UNC79: variants seen among roughly 807,000 people sequenced by gnomAD.
The protein encoded by UNC79 is unc-79 subunit of NALCN channel complex, also known as protein unc-79 homolog.
Under a neutral mutation model 283.1 loss-of-function variants are expected in UNC79, and 37 were observed. The observed-to-expected ratio is 0.13, with a 90% CI of 0.10 to 0.17. The LOEUF (loss-of-function observed/expected upper bound fraction) is 0.17, where lower values mean the gene tolerates loss of function less well. Ranked by LOEUF, UNC79 falls within the 10% of genes least tolerant of loss-of-function variation. The pLI, the probability that UNC79 is intolerant of heterozygous loss-of-function variation, is 1.00. For synonymous variants in UNC79, 1,107 were observed against 1,200.2 expected (o/e 0.92, Z 1.61); for missense variants, 2,272 against 3,211.1 (o/e 0.71, Z 7.07).
intron 18 of UNC79, 78 bp downstream of exon 18, chr14:93,578,141 TTG>T: frequency 7.5e-7 from 1 of 1,340,488 alleles, no homozygotes; most frequent in Non-Finnish European, 1.0e-6. Context: ...TTTCCATGTG[TTG>T]GGCATCTCCA....
rs1337164919 is a variant in UNC79 at position 93,641,132 on chromosome 14, G to T, written c.5801-13G>T. The T allele has an allele frequency of 6.2e-7, 1 of 1,611,134 alleles. No homozygotes were observed. Among genetic ancestry groups the T allele is most frequent in the Non-Finnish European group, 8.5e-7 (1 of 1,178,188 alleles). On this transcript the variant is annotated splice_polypyrimidine_tract_variant and intron_variant, in intron 32 of 48. Transcript: ENST00000555664. ...ATCTATATTCACTGGTTGTCCCTTTGCTGCTTACCCAGGTGCCACCAAATC... is the reference window on the plus strand; with the variant it reads ...ATCTATATTCACTGGTTGTCCCTTTTCTGCTTACCCAGGTGCCACCAAATC...
chr14:93,426,644 C>A (rs942695915), upstream of UNC79, among the ~76,000 whole-genome samples: 2 of 151,772 alleles, frequency 1.3e-5, no homozygotes, highest in Admixed American at 6.6e-5. Context: ...CTACACCCTG[C>A]CATTAATATC....
At chr14:93,485,454 T>C (rs1307601417) in intron 4 of UNC79, among the ~76,000 whole-genome samples, 1 of 152,060 alleles carries the variant, frequency 6.6e-6, no homozygotes, top group African/African-American at 2.4e-5. Context: ...GATGTGCTTA[T>C]TAATTAAACA....
intron 33 of UNC79, 77 bp from the exon 37 acceptor site, chr14:93,643,480 G>A (rs2069263140): frequency 6.2e-7 from 1 of 1,606,896 alleles, no homozygotes; most frequent in East Asian, 2.2e-5. Context: ...ACTAAAAACA[G>A]CCGTGTGTGT....
At chr14:93,458,285 G>A (rs1326719410) in intron 1 of UNC79, among the ~76,000 whole-genome samples, 1 of 152,202 alleles carries the variant, frequency 6.6e-6, no homozygotes, top group African/African-American at 2.4e-5. Flanking sequence ...TGGGGAAAAT[G>A]TTACTTTAAT....
chr14:93,621,443 T>C lies in UNC79; in HGVS notation c.4388-178T>C, dbSNP rs981984044. ...CATTTTGGTTTCTTTCATTCGTAAA[T>C]TTTCCAGTTTTTGAAATTAGAACGA... On this transcript the variant is annotated intron_variant, in intron 29 of 48. Transcript: ENST00000555664. The surrounding 1 kb of genome is among the most constrained non-coding windows in gnomAD (Gnocchi z 4.8). 3.3e-5 allele frequency among the ~76,000 whole-genome samples: 5 copies of C among 152,208 alleles called. No individual in the cohort carries two copies. Among genetic ancestry groups the C allele is most frequent in the African/African-American group, 7.2e-5 (3 of 41,458 alleles).
intron 30 of UNC79, among the ~76,000 whole-genome samples, chr14:93,625,820 C>G (rs976154630): frequency 3.9e-5 from 6 of 152,214 alleles, no homozygotes; most frequent in Non-Finnish European, 8.8e-5. Context: ...AGCTTTCCCT[C>G]TACCAGTACC....
chr14:93,509,493 G>A (rs536687686), intron 7 of UNC79, among the ~76,000 whole-genome samples: 3 of 152,256 alleles, frequency 2.0e-5, no homozygotes, highest in Admixed American at 2.0e-4. Context: ...GTTACTTACA[G>A]ATTATAATGG....
intron 47 of UNC79, among the ~76,000 whole-genome samples, chr14:93,697,934 G>T (rs8011902): frequency 0.6 from 91,075 of 151,954 alleles, 27,768 homozygotes; most frequent in Admixed American, 0.66. Flanking sequence ...GGCATGTTGT[G>T]TTCTCATTTT....
chr14:93,667,364 T>A (rs540248546), intron 40 of UNC79, among the ~76,000 whole-genome samples: 1 of 152,198 alleles, frequency 6.6e-6, no homozygotes, highest in South Asian at 2.1e-4. Flanking sequence ...GAAAACCAGA[T>A]AAAACACACT....
At chr14:93,571,286 A>AT (rs1209913993) in intron 14 of UNC79, among the ~76,000 whole-genome samples, 2 of 152,206 alleles carry the variant, frequency 1.3e-5, no homozygotes, top group Admixed American at 1.3e-4. Flanking sequence ...TAAATTCGTG[A>AT]TTTTAACTTT....
At chr14:93,671,014 C>T (rs2072793919) in intron 40 of UNC79, among the ~76,000 whole-genome samples, 2 of 152,138 alleles carry the variant, frequency 1.3e-5, no homozygotes, top group Admixed American at 1.3e-4. Flanking sequence ...ATAGAAAAGT[C>T]TTACAAAATT....
At chr14:93,346,250 C>A (rs542924159) in intron 1 of UNC79, among the ~76,000 whole-genome samples, 1 of 152,152 alleles carries the variant, frequency 6.6e-6, no homozygotes, top group East Asian at 1.9e-4. Context: ...GAGTGTTACT[C>A]GTGCAATAGG....
At chr14:93,384,192 C>G (rs1321636028) in intron 1 of UNC79, among the ~76,000 whole-genome samples, 2 of 152,114 alleles carry the variant, frequency 1.3e-5, no homozygotes, top group African/African-American at 4.8e-5. Context: ...TTACTTGTTT[C>G]CTTTCTTTTG....
intron 47 of UNC79, among the ~76,000 whole-genome samples, chr14:93,703,995 C>T (rs1210222923): frequency 6.6e-6 from 1 of 152,184 alleles, no homozygotes; most frequent in African/African-American, 2.4e-5. Flanking sequence ...GCCAGGGCAC[C>T]TATGACCTCC....
rs1330784007 is a variant in UNC79 at position 93,468,233 on chromosome 14, G to T, written c.143+442G>T. On this transcript the variant is annotated intron_variant, in intron 2 of 48. Coordinates refer to ENST00000555664, the Ensembl canonical transcript of UNC79. ...GTGATAATAGTTATTTTTAATCTGG[G>T]TAACACTTCACATGTTCAACATGCT... Among the ~76,000 whole-genome samples, 6 of 152,076 alleles carry T rather than the reference G, an allele frequency of 3.9e-5. 1 individual carries two copies. The highest frequency in any genetic ancestry group is 8.8e-5 in the Non-Finnish European group (6 of 68,018).
At chr14:93,528,781 A>T (rs767757642) in intron 9 of UNC79, 135 bp downstream of exon 9, 19 of 802,148 alleles carry the variant, frequency 2.4e-5, no homozygotes, top group Non-Finnish European at 3.3e-5. Context: ...AATTATTCTG[A>T]TACTTAACAT....
chr14:93,652,003 C>T lies in UNC79; in HGVS notation c.6084-1739C>T, dbSNP rs1311307124. On this transcript the variant is annotated intron_variant, in intron 35 of 48. Transcript: ENST00000555664. ...TCTGGAACTCCTGACCTCAGGTGAT[C>T]CACCCACCTCGGCCTCCCAAAGTGC... Among the ~76,000 whole-genome samples, 4 of 149,796 alleles carry T rather than the reference C, an allele frequency of 2.7e-5. 1 individual carries two copies. The highest frequency in any genetic ancestry group is 3.9e-4 in the East Asian group (2 of 5,076).
At chr14:93,471,825 C>T (rs1169300126) in intron 2 of UNC79, among the ~76,000 whole-genome samples, 2 of 151,974 alleles carry the variant, frequency 1.3e-5, no homozygotes, top group African/African-American at 2.4e-5. Flanking sequence ...GACATTCTTC[C>T]CTCCCTGCAT....
Sources: allele counts gnomAD v4.1 joint callset (sites outside exome capture counted in the v4.1 genomes callset), GRCh38; gene constraint gnomAD v4.1.1; non-coding constraint Gnocchi (gnomAD v3.1); transcripts MANE v1.5; gene names NCBI Gene and HGNC (gene_info 2026-07-23, HGNC 2026-07-21).